Variants in MSTO1 observed in about 807,000 individuals in gnomAD.
MSTO1 encodes protein misato homolog 1.
A neutral mutation model predicts 55.7 loss-of-function variants in MSTO1; 24 were observed. The ratio of observed to expected loss-of-function variants is 0.43; its 90% CI spans 0.31 to 0.61. The LOEUF is 0.61. Among genes scored for constraint, MSTO1 ranks in the 20% least tolerant of loss-of-function variants. MSTO1 has a pLI of 0.09. For missense variants in MSTO1, 363 were observed against 625.7 expected, an observed-to-expected ratio of 0.58 and a Z score of 4.48; for synonymous variants, 162 against 252.8, an observed-to-expected ratio of 0.64 and a Z score of 3.41.
At chr1:155,595,176 G>GTTT in the MSTO1 span, among the ~76,000 whole-genome samples, 52 of 102,504 alleles carry the variant, frequency 5.1e-4, no homozygotes, top group East Asian at 1.8e-3. Flanking sequence ...CAGGTTTGTT[G>GTTT]TTTTTTTTTT....
chr1:155,593,372 GTAGCCAAGAAGACAAACATGTGTAACGTA>G, the MSTO1 span, among the ~76,000 whole-genome samples: 2 of 152,226 alleles, frequency 1.3e-5, no homozygotes, highest in East Asian at 3.8e-4. Flanking sequence ...TTCCAAGCAT[GTAGCCAAGAAGACAAACATGTGTAACGTA>G]ACATGATACA....
chr1:155,610,069 T>A (rs1323379380), upstream of MSTO1: 3 of 634,800 alleles, frequency 4.7e-6, no homozygotes, highest in Non-Finnish European at 8.0e-6. Context: ...GAAGCCGGAC[T>A]GGGCCACGTC....
the MSTO1 span, among the ~76,000 whole-genome samples, chr1:155,564,567 A>G: frequency 6.6e-6 from 1 of 152,206 alleles, no homozygotes; most frequent in African/African-American, 2.4e-5. Flanking sequence ...TTTCCCCTTT[A>G]GGATACGTGG....
chr1:155,594,457 A>G, the MSTO1 span, among the ~76,000 whole-genome samples: 2 of 152,156 alleles, frequency 1.3e-5, no homozygotes, highest in Admixed American at 1.3e-4. Flanking sequence ...GTTGAAGTAG[A>G]ATGAGCAGAA....
the MSTO1 span, among the ~76,000 whole-genome samples, chr1:155,573,478 C>T: frequency 4.6e-5 from 7 of 151,856 alleles, no homozygotes; most frequent in African/African-American, 4.8e-5. Flanking sequence ...GTAGACAGAT[C>T]GCTTGAGCTC....
At chr1:155,569,922 A>G in the MSTO1 span, among the ~76,000 whole-genome samples, 1 of 152,166 alleles carries the variant, frequency 6.6e-6, no homozygotes, top group African/African-American at 2.4e-5. Context: ...TAAAGTTTGG[A>G]CAGTATTTCT....
chr1:155,576,496 T>C, the MSTO1 span, among the ~76,000 whole-genome samples: 1 of 151,598 alleles, frequency 6.6e-6, no homozygotes, highest in Admixed American at 6.6e-5. Context: ...CCATCTAAGT[T>C]TTGTATTTTT....
At chr1:155,598,967 C>G in the MSTO1 span, 1 of 1,082,018 alleles carries the variant, frequency 9.2e-7, no homozygotes, top group African/African-American at 1.6e-5. Context: ...TATCTTGTTA[C>G]CGTGGTAGTC....
chr1:155,569,434 C>CTT, the MSTO1 span, among the ~76,000 whole-genome samples: 1,390 of 89,706 alleles, frequency 0.015, 71 homozygotes, highest in African/African-American at 0.053. Context: ...TGCGCCCGGT[C>CTT]TTTTTTTTTT....
the MSTO1 span, among the ~76,000 whole-genome samples, chr1:155,603,478 T>A: frequency 6.6e-6 from 1 of 152,022 alleles, no homozygotes; most frequent in African/African-American, 2.4e-5. Flanking sequence ...ACTTCAGTAA[T>A]TGGTAAAAGA....
At chr1:155,565,756 C>T in the MSTO1 span, among the ~76,000 whole-genome samples, 1 of 152,048 alleles carries the variant, frequency 6.6e-6, no homozygotes, top group Non-Finnish European at 1.5e-5. Context: ...AAATGAGATA[C>T]GATTCTGTTT....
chr1:155,580,662 T>TA, the MSTO1 span, among the ~76,000 whole-genome samples: 14 of 152,118 alleles, frequency 9.2e-5, no homozygotes, highest in Non-Finnish European at 1.9e-4. Context: ...CTCACGCCTG[T>TA]AATCCCAGCA....
At chr1:155,612,348 A>T in intron 8 of MSTO1, 32 bp downstream of exon 8, 1 of 1,578,804 alleles carries the variant, frequency 6.3e-7, no homozygotes, top group Non-Finnish European at 8.6e-7. Flanking sequence ...AAACAGTCAC[A>T]CAGTGGGGAG....
At chr1:155,593,194 G>A in the MSTO1 span, among the ~76,000 whole-genome samples, 1 of 152,248 alleles carries the variant, frequency 6.6e-6, no homozygotes, top group African/African-American at 2.4e-5. Context: ...GATTACAGGC[G>A]TGAGCCACCG....
At position 155,613,226 on chromosome 1, in the gene MSTO1, C is replaced by G; in HGVS notation, c.1276C>G (p.His426Asp). ...VVLRGIDRACHTSQLTPGTPP... is the reference protein window; with the variant it reads ...VVLRGIDRACDTSQLTPGTPP... ...GCTGAGGGGTATAGACAGAGCATGC[C>G]ACACAAGGTGAGAGCTGTTGGTCCT... is the stretch of plus-strand genomic sequence containing the variant. Residue 426 changes from histidine to aspartate, a missense_variant, in exon 11 of 14, where the codon CAC (histidine) becomes GAC (aspartate). This residue lies in a region of MSTO1 where 231 missense variants were observed against 286.9 expected (regional missense o/e 0.81). Coordinates refer to ENST00000245564, the MANE Select transcript of MSTO1 (RefSeq NM_018116.4). 6.2e-7 allele frequency: 1 copy of G among 1,613,452 alleles called. No homozygotes were observed. The highest frequency in any genetic ancestry group is 8.5e-7 in the Non-Finnish European group (1 of 1,179,554).
the MSTO1 span, among the ~76,000 whole-genome samples, chr1:155,566,835 G>A: frequency 1.3e-5 from 2 of 151,928 alleles, no homozygotes; most frequent in South Asian, 2.1e-4. Flanking sequence ...GGCTGCTCTT[G>A]AACTCCCGAC....
In MSTO1 at chr1:155,613,128, G is replaced by T; in HGVS notation, c.1178G>T (p.Gly393Val). ...SLPDSLMQFGGATPWTPLSAC... is the reference protein window; with the variant it reads ...SLPDSLMQFGVATPWTPLSAC... ...CCTGATTCCCTGATGCAGTTTGGAG[G>T]AGCCACCCCATGGACCCCACTGTCT... is the stretch of plus-strand genomic sequence containing the variant. The change falls in exon 11 of 14, where the codon GGA becomes GTA. Residue 393 changes from glycine (G) to valine (V), a missense_variant. By Grantham distance (109) the Gly-to-Val change is moderately radical. This residue lies in a region of MSTO1 where 231 missense variants were observed against 286.9 expected (regional missense o/e 0.81). Coordinates refer to ENST00000245564, the MANE Select transcript of MSTO1 (RefSeq NM_018116.4). The T allele has an allele frequency of 6.2e-7, 1 of 1,613,890 alleles. No homozygotes were observed. Among genetic ancestry groups the T allele is most frequent in the Non-Finnish European group, 8.5e-7 (1 of 1,179,960 alleles).
the MSTO1 span, among the ~76,000 whole-genome samples, chr1:155,569,352 G>A: frequency 9.5e-5 from 14 of 146,742 alleles, no homozygotes; most frequent in East Asian, 2.8e-3. Context: ...AGCCAGGGTG[G>A]TCTCGATCTC....
chr1:155,587,825 ATAAC>A, the MSTO1 span, among the ~76,000 whole-genome samples: 3 of 152,090 alleles, frequency 2.0e-5, no homozygotes, highest in Non-Finnish European at 2.9e-5. Flanking sequence ...TCCATAACAC[ATAAC>A]TAAGATTGAC....
Sources: gnomAD v4.1 joint callset for allele counts (sites outside exome capture counted in the v4.1 genomes callset) on GRCh38, gnomAD v4.1.1 for gene constraint, gnomAD v4.1.1 regional missense constraint, MANE v1.5 for transcripts, NCBI Gene and HGNC (gene_info 2026-07-23, HGNC 2026-07-21) for gene names.